Variants in FUT8 observed in about 807,000 individuals in gnomAD.
The protein encoded by FUT8 is alpha-(1,6)-fucosyltransferase.
A neutral mutation model predicts 71.3 loss-of-function variants in FUT8; 29 were observed. The observed-to-expected ratio is 0.41, with a 90% confidence interval of 0.30 to 0.55. The LOEUF is 0.55. Ranked by LOEUF, FUT8 falls within the 20% of genes least tolerant of loss-of-function variation. FUT8 has a pLI of 0.34. For synonymous variants in FUT8, 254 were observed against 239.3 expected, an observed-to-expected ratio of 1.06 and a Z score of -0.57; for missense variants, 544 against 702.1, an observed-to-expected ratio of 0.77 and a Z score of 2.55.
chr14:65,461,129 C>T (rs986416172), intron 2 of FUT8, among the ~76,000 whole-genome samples: 3 of 152,252 alleles, frequency 2.0e-5, no homozygotes, highest in Non-Finnish European at 4.4e-5. Flanking sequence ...TTGGCAGGGC[C>T]ACACTCTCTC....
At position 65,492,204 on chromosome 14, in the gene FUT8, T is replaced by C. The variant is rs570956843; in HGVS notation, c.-228+36486T>C. The stretch of plus-strand genomic sequence containing the variant: ...TAATATTTTTTTCATATTAAAACTG[T>C]AGATTCAATCCAACATGACAGATAT... On this transcript the variant is annotated intron_variant, in intron 2 of 10. Coordinates refer to ENST00000673929, the MANE Select transcript of FUT8 (RefSeq NM_001371533.1). 2.0e-5 allele frequency among the ~76,000 whole-genome samples: 3 copies of C among 152,310 alleles called. No homozygotes were observed. The South Asian group carries it at 6.2e-4, about 32-fold the overall frequency.
chr14:65,450,117 G>A (rs984064399), intron 1 of FUT8, among the ~76,000 whole-genome samples: 1 of 152,110 alleles, frequency 6.6e-6, no homozygotes, highest in Non-Finnish European at 1.5e-5. Context: ...AGAACAAGAT[G>A]TATTTCTTTG....
chr14:65,372,433 T>C, the FUT8 span, among the ~76,000 whole-genome samples: 1 of 152,080 alleles, frequency 6.6e-6, no homozygotes, highest in African/African-American at 2.4e-5. Context: ...TTTTTTCTTT[T>C]GGGACAGAGT....
chr14:65,439,952 G>GTGTGTATGTATATATA (rs1555360982), intron 1 of FUT8, among the ~76,000 whole-genome samples: 2 of 38,224 alleles, frequency 5.2e-5, no homozygotes, highest in African/African-American at 1.5e-4. Context: ...GTGTGTGTGT[G>GTGTGTATGTATATATA]TGTATATATA....
At chr14:65,526,786 T>G (rs1883501494) in intron 2 of FUT8, among the ~76,000 whole-genome samples, 1 of 152,154 alleles carries the variant, frequency 6.6e-6, no homozygotes, top group Non-Finnish European at 1.5e-5. Flanking sequence ...AGCATTTGCT[T>G]GTCTGTAAAG....
intron 3 of FUT8, among the ~76,000 whole-genome samples, chr14:65,611,463 T>C (rs1888994364): frequency 1.3e-5 from 2 of 152,084 alleles, no homozygotes. Context: ...CTCCATTTCA[T>C]TGATCGTCTC....
chr14:65,586,769 G>A (rs1887408037), intron 3 of FUT8, among the ~76,000 whole-genome samples: 2 of 152,264 alleles, frequency 1.3e-5, no homozygotes, highest in South Asian at 4.1e-4. Context: ...TCAAATAAAA[G>A]TAAAATTAAA....
At position 65,489,768 on chromosome 14, in the gene FUT8, C is replaced by T. The variant is rs2066457649; in HGVS notation, c.-228+34050C>T. On this transcript the variant is annotated intron_variant, in intron 2 of 10. Coordinates refer to ENST00000673929, the MANE Select transcript of FUT8 (RefSeq NM_001371533.1). The surrounding 1 kb of genome is among the most constrained non-coding windows in gnomAD (Gnocchi z 4.0). The stretch of plus-strand genomic sequence containing the variant: ...ATGTTTTGTTTATTGGTATCACACA[C>T]GTGTCATGTGGGTCATAGACTTGTT... Among the ~76,000 whole-genome samples the T allele has an allele frequency of 1.3e-5, 2 of 152,034 alleles. No individual in the cohort carries two copies. The highest frequency in any genetic ancestry group is 2.9e-5 in the Non-Finnish European group (2 of 67,960).
At chr14:65,663,767 A>G (rs1443885816) in intron 6 of FUT8, among the ~76,000 whole-genome samples, 2 of 152,100 alleles carry the variant, frequency 1.3e-5, no homozygotes, top group African/African-American at 4.8e-5. Context: ...AGCATCATTC[A>G]TTAAGCCGCT....
intron 5 of FUT8, among the ~76,000 whole-genome samples, chr14:65,624,625 T>C (rs1414505902): frequency 6.6e-6 from 1 of 152,284 alleles, no homozygotes; most frequent in Non-Finnish European, 1.5e-5. Flanking sequence ...TTTCTGTATC[T>C]GTTCCTGTGC....
intron 6 of FUT8, among the ~76,000 whole-genome samples, chr14:65,642,836 T>C (rs1023463415): frequency 3.9e-5 from 6 of 152,188 alleles, no homozygotes; most frequent in Non-Finnish European, 8.8e-5. Context: ...TACAATTGAT[T>C]TTTTATATAT....
intron 2 of FUT8, among the ~76,000 whole-genome samples, chr14:65,469,906 C>T (rs1437589268): frequency 6.6e-6 from 1 of 152,210 alleles, no homozygotes; most frequent in Non-Finnish European, 1.5e-5. Context: ...GCACCACAAG[C>T]CCCCACTGCA....
At chr14:65,717,908 G>C (rs968613276) in intron 7 of FUT8, among the ~76,000 whole-genome samples, 2 of 152,068 alleles carry the variant, frequency 1.3e-5, no homozygotes, top group Admixed American at 1.3e-4. Context: ...GTTTTCATTG[G>C]CATGAAATAT....
chr14:65,716,485 C>T (rs536523080), intron 7 of FUT8, among the ~76,000 whole-genome samples: 7 of 151,238 alleles, frequency 4.6e-5, no homozygotes, highest in Middle Eastern at 3.4e-3. Context: ...CATCTTGCAC[C>T]GCCCTTAATC....
intron 7 of FUT8, among the ~76,000 whole-genome samples, chr14:65,706,562 T>C (rs1894564713): frequency 1.3e-5 from 2 of 152,152 alleles, no homozygotes; most frequent in Admixed American, 6.5e-5. Context: ...AACAGCAATT[T>C]ATTTCTTGCA....
chr14:65,620,775 T>A (rs1057342374), intron 5 of FUT8, among the ~76,000 whole-genome samples: 2 of 152,228 alleles, frequency 1.3e-5, no homozygotes, highest in Non-Finnish European at 1.5e-5. Context: ...ATGTGGATAT[T>A]CTTTCTTGAA....
chr14:65,381,540 C>T, the FUT8 span, among the ~76,000 whole-genome samples: 1 of 152,206 alleles, frequency 6.6e-6, no homozygotes, highest in Non-Finnish European at 1.5e-5. Context: ...ACATGGAAAG[C>T]GTCAGTAACT....
intron 2 of FUT8, among the ~76,000 whole-genome samples, chr14:65,482,064 T>C (rs2066339471): frequency 6.6e-6 from 1 of 152,198 alleles, no homozygotes. Context: ...ATCTAAGATA[T>C]ATTTGCCTAA....
At chr14:65,699,841 A>G (rs1008086447) in intron 7 of FUT8, among the ~76,000 whole-genome samples, 1 of 152,210 alleles carries the variant, frequency 6.6e-6, no homozygotes, top group Non-Finnish European at 1.5e-5. Flanking sequence ...GTTAGAGGAA[A>G]TAATCATACG....
Sources: allele counts gnomAD v4.1 joint callset (sites outside exome capture counted in the v4.1 genomes callset), GRCh38; gene constraint gnomAD v4.1.1; non-coding constraint Gnocchi (gnomAD v3.1); transcripts MANE v1.5; gene names NCBI Gene and HGNC (gene_info 2026-07-23, HGNC 2026-07-21).